HMBOX1: variants seen among roughly 807,000 people sequenced by gnomAD.
HMBOX1 encodes the protein homeobox-containing protein 1.
Under a neutral mutation model 54.5 loss-of-function variants are expected in HMBOX1, and 14 were observed. The observed-to-expected ratio is 0.26, with a 90% CI of 0.17 to 0.40. The LOEUF (loss-of-function observed/expected upper bound fraction) is 0.40, where lower values mean the gene tolerates loss of function less well. Ranked by LOEUF, HMBOX1 falls within the 10% of genes least tolerant of loss-of-function variation. The pLI, the probability that HMBOX1 is intolerant of heterozygous loss-of-function variation, is 1.00. For synonymous variants in HMBOX1, 160 were observed against 181.0 expected, an observed-to-expected ratio of 0.88 and a Z score of 0.93; for missense variants, 332 against 514.4, an observed-to-expected ratio of 0.65 and a Z score of 3.43.
chr8:28,902,147 T>A (rs1421292792), intron 1 of HMBOX1, among the ~76,000 whole-genome samples: 1 of 152,200 alleles, frequency 6.6e-6, no homozygotes, highest in Non-Finnish European at 1.5e-5. Context: ...CCTTGAATTT[T>A]CTGCTGACTT....
rs1453433801 is a variant in HMBOX1 at position 29,052,939 on chromosome 8, A to G, written c.*1784A>G. 2.0e-5 allele frequency: 3 copies of G among 152,280 alleles called. No homozygotes were observed. Among genetic ancestry groups the G allele is most frequent in the Non-Finnish European group, 4.4e-5 (3 of 68,038 alleles). The allele number at this position is 152,280 out of a possible 1,614,324, so 9.4% of individuals were successfully genotyped here. On this transcript the variant is annotated 3_prime_UTR_variant, in exon 10 of 10. Transcript: ENST00000287701. ...GTGCCATTTCCTTACCTCTTCACCC[A>G]TCCTCCTCCACCAAATGTATTCAAC...
chr8:29,010,035 T>G, intron 5 of HMBOX1: 3 of 984,750 alleles, frequency 3.0e-6, no homozygotes, highest in Non-Finnish European at 3.6e-6. Context: ...AAGAATGTCA[T>G]AGAGATGTAT....
In HMBOX1 at chr8:29,018,843, T is replaced by G; in HGVS notation, c.781T>G (p.Ser261Ala). The change falls in exon 6 of 10, where the codon TCT becomes GCT. Residue 261 changes from serine to alanine, a missense_variant. By Grantham distance (99) the Ser-to-Ala change is moderately conservative. Transcript: ENST00000287701. ...RQTPPPVSAT[S>A]GTFRLRRGSR... ...AACGCCTCCCCCAGTCTCTGCCACA[T>G]CTGGTACTTTCCGACTGCGACGAGG... 6.2e-7 allele frequency: 1 copy of G among 1,614,150 alleles called. No homozygotes were observed. Among genetic ancestry groups the G allele is most frequent in the Non-Finnish European group, 8.5e-7 (1 of 1,179,988 alleles).
chr8:29,035,902 C>G (rs934484295), intron 6 of HMBOX1, among the ~76,000 whole-genome samples: 1 of 152,148 alleles, frequency 6.6e-6, no homozygotes, highest in Admixed American at 6.6e-5. Flanking sequence ...TATCTCCATT[C>G]TTTTCATGTT....
chr8:28,970,342 C>G lies in HMBOX1; in HGVS notation c.323C>G (p.Ser108Cys). The G allele has an allele frequency of 6.2e-7, 1 of 1,614,152 alleles. No homozygotes were observed. The part of the protein sequence containing the change: ...SPSPSNSYDT[S>C]PQPCTTNQNG... ...TCACCTAGCAACAGTTATGATACTT[C>G]CCCACAGCCTTGCACTACCAATCAA... Residue 108 changes from serine (S) to cysteine (C), a missense_variant, in exon 3 of 10, where the codon TCC becomes TGC. By Grantham distance (112) the Ser-to-Cys change is moderately radical. This residue lies in a region of HMBOX1 where 146 missense variants were observed against 173.3 expected (regional missense o/e 0.84). Coordinates refer to ENST00000287701, the MANE Select transcript of HMBOX1 (RefSeq NM_001135726.3). This position sits in a 1 kb window ranked among gnomAD's most constrained non-coding sequence, Gnocchi z 4.3.
chr8:28,916,487 A>G (rs527385342), intron 1 of HMBOX1, among the ~76,000 whole-genome samples: 30 of 152,276 alleles, frequency 2.0e-4, no homozygotes, highest in Non-Finnish European at 3.2e-4. Context: ...ATGCGTGTAG[A>G]AGATTTGAGG....
At chr8:28,968,561 G>A (rs79952525) in intron 2 of HMBOX1, among the ~76,000 whole-genome samples, 8,306 of 152,156 alleles carry the variant, frequency 0.055, 374 homozygotes, top group Middle Eastern at 0.088. Flanking sequence ...TCTACCATGG[G>A]GAGTTGCTGT....
At chr8:29,029,750 C>T (rs1367131674) in intron 6 of HMBOX1, among the ~76,000 whole-genome samples, 4 of 152,218 alleles carry the variant, frequency 2.6e-5, no homozygotes, top group Admixed American at 2.6e-4. Context: ...TAATTCTACT[C>T]ATTGAACTTC....
chr8:29,047,631 G>C (rs1176968630), intron 8 of HMBOX1, among the ~76,000 whole-genome samples, 178 bp downstream of exon 8: 1 of 148,078 alleles, frequency 6.8e-6, no homozygotes, highest in Admixed American at 6.8e-5. Flanking sequence ...GCAGTGGCGC[G>C]ATGTTGGCTG....
chr8:29,022,874 TGGGGGGGA>T (rs1208951889), intron 6 of HMBOX1, among the ~76,000 whole-genome samples: 1 of 2,774 alleles, frequency 3.6e-4, no homozygotes, highest in Non-Finnish European at 7.2e-4. Context: ...AGGGAAAAAA[TGGGGGGGA>T]GGGGGGGAGG....
chr8:28,918,238 C>T (rs1816911742), intron 1 of HMBOX1, among the ~76,000 whole-genome samples: 1 of 152,208 alleles, frequency 6.6e-6, no homozygotes, highest in Non-Finnish European at 1.5e-5. Context: ...GACTCTTGCT[C>T]TGTCGCCCTG....
intron 4 of HMBOX1, among the ~76,000 whole-genome samples, chr8:28,983,440 C>G (rs1829712902): frequency 6.6e-6 from 1 of 152,178 alleles, no homozygotes; most frequent in Non-Finnish European, 1.5e-5. Flanking sequence ...TTCTGTTTAT[C>G]AAGATTATCT....
intron 1 of HMBOX1, among the ~76,000 whole-genome samples, chr8:28,955,394 G>A (rs1192269971): frequency 6.6e-6 from 1 of 152,082 alleles, no homozygotes; most frequent in Non-Finnish European, 1.5e-5. Flanking sequence ...ATGTGCATAT[G>A]TATGTCTGCC....
chr8:28,916,670 A>G (rs572625732), intron 1 of HMBOX1, among the ~76,000 whole-genome samples: 13 of 152,180 alleles, frequency 8.5e-5, no homozygotes, highest in Non-Finnish European at 1.3e-4. Flanking sequence ...CTATTGATCT[A>G]TCTGTCTGTC....
intron 1 of HMBOX1, among the ~76,000 whole-genome samples, chr8:28,911,192 A>G (rs1007480560): frequency 6.6e-6 from 1 of 152,212 alleles, no homozygotes; most frequent in Non-Finnish European, 1.5e-5. Context: ...AATAGATGTT[A>G]GGAAGCTCTT....
At chr8:29,041,840 C>A (rs1378169587) in intron 6 of HMBOX1, among the ~76,000 whole-genome samples, 1 of 152,016 alleles carries the variant, frequency 6.6e-6, no homozygotes, top group African/African-American at 2.4e-5. Flanking sequence ...TTGAACACCT[C>A]TATAATAAAC....
intron 4 of HMBOX1, among the ~76,000 whole-genome samples, chr8:29,000,276 G>A (rs75110967): frequency 0.032 from 4,880 of 152,212 alleles, 248 homozygotes; most frequent in African/African-American, 0.11. Flanking sequence ...ATAATTCTGC[G>A]TAAACCTTCA....
chr8:28,977,755 A>G (rs1204394866), intron 3 of HMBOX1, among the ~76,000 whole-genome samples: 3 of 152,058 alleles, frequency 2.0e-5, no homozygotes, highest in Non-Finnish European at 2.9e-5. Flanking sequence ...CCTGGCTAAC[A>G]CGGTGAAACC....
At chr8:28,891,829 C>T (rs1328696616) in intron 1 of HMBOX1, 1 of 152,232 alleles carries the variant, frequency 6.6e-6, no homozygotes, top group Non-Finnish European at 1.5e-5. Flanking sequence ...TTAAAGATAA[C>T]ACTATGTAAA....
Sources: gnomAD v4.1 joint callset for allele counts (sites outside exome capture counted in the v4.1 genomes callset) on GRCh38, gnomAD v4.1.1 for gene constraint, gnomAD v4.1.1 regional missense constraint, Gnocchi (gnomAD v3.1) non-coding constraint, MANE v1.5 for transcripts, NCBI Gene and HGNC (gene_info 2026-07-23, HGNC 2026-07-21) for gene names.